Variants in GALNT7 observed in about 807,000 individuals in gnomAD.
GALNT7 encodes the protein N-acetylgalactosaminyltransferase 7.
A neutral mutation model predicts 82.1 loss-of-function variants in GALNT7; 60 were observed. The observed-to-expected ratio is 0.73, with a 90% CI of 0.59 to 0.91. The LOEUF is 0.91. GALNT7 is among the 40% of genes least tolerant of loss of function. The pLI is 0.00. For missense variants in GALNT7, 660 were observed against 804.2 expected, an observed-to-expected ratio of 0.82 and a Z score of 2.17; for synonymous variants, 243 against 275.1, an observed-to-expected ratio of 0.88 and a Z score of 1.15.
intron 1 of GALNT7, among the ~76,000 whole-genome samples, chr4:173,190,621 C>G (rs1354385270): frequency 6.6e-6 from 1 of 151,328 alleles, no homozygotes; most frequent in Non-Finnish European, 1.5e-5. Context: ...TTTCAAGTCT[C>G]TTTTCAGACT....
In GALNT7 at chr4:173,323,363, G is replaced by A. The variant is rs1737891597; in HGVS notation, c.*1646G>A. The A allele has an allele frequency of 6.6e-6, 1 of 152,352 alleles. No individual in the cohort carries two copies. The highest frequency in any genetic ancestry group is 2.4e-5 in the African/African-American group (1 of 41,392). 9.4% of individuals were successfully genotyped at this position (152,352 alleles called of 1,614,324 possible). On this transcript the variant is annotated 3_prime_UTR_variant, in exon 12 of 12. Transcript: ENST00000265000. ...TCAACAGAGTTTTATTTATAATTTT[G>A]AATTGTCAATTTGTATTTTGCTACT...
intron 1 of GALNT7, among the ~76,000 whole-genome samples, chr4:173,208,137 T>TC (rs1032246180): frequency 1.3e-5 from 2 of 152,096 alleles, no homozygotes; most frequent in African/African-American, 2.4e-5. Flanking sequence ...TATTAGTTAC[T>TC]CCCCCCAGTT....
intron 2 of GALNT7, among the ~76,000 whole-genome samples, chr4:173,252,326 C>G (rs1734877267): frequency 6.6e-6 from 1 of 152,196 alleles, no homozygotes; most frequent in Non-Finnish European, 1.5e-5. Context: ...CAGGCCCTAA[C>G]AGCCTTGTTC....
At chr4:173,198,694 A>G (rs1182909556) in intron 1 of GALNT7, among the ~76,000 whole-genome samples, 2 of 152,210 alleles carry the variant, frequency 1.3e-5, no homozygotes, top group East Asian at 3.8e-4. Context: ...ATTGGCATCA[A>G]TTCATATATT....
At chr4:173,187,390 A>G (rs1014540976) in intron 1 of GALNT7, among the ~76,000 whole-genome samples, 2 of 152,072 alleles carry the variant, frequency 1.3e-5, no homozygotes, top group Non-Finnish European at 2.9e-5. Flanking sequence ...TTAGAAAAAA[A>G]AAAAAAACCT....
Position 173,260,581 on chromosome 4 carries a change from G to A in GALNT7, c.587+12141G>A, listed in dbSNP as rs114552446. On this transcript the variant is annotated intron_variant, in intron 2 of 11. Coordinates refer to ENST00000265000, the MANE Select transcript of GALNT7 (RefSeq NM_017423.3). ...GAGGCAAGAGTTGTGGTGGGGCCAT[G>A]TGTTTTATTTTGTTTTGTCTTTAAA... Among the ~76,000 whole-genome samples, 1,176 of 152,302 alleles carry A rather than the reference G, an allele frequency of 7.7e-3. 13 individuals are homozygous for A. The highest frequency in any genetic ancestry group is 0.026 in the African/African-American group (1,097 of 41,572).
chr4:173,300,594 C>T (rs1042007425), intron 6 of GALNT7, among the ~76,000 whole-genome samples: 8 of 151,508 alleles, frequency 5.3e-5, no homozygotes, highest in South Asian at 2.1e-4. Context: ...GGCACGTTCC[C>T]GGTGGGAGCA....
intron 1 of GALNT7, among the ~76,000 whole-genome samples, chr4:173,244,737 G>A (rs1428026689): frequency 6.6e-6 from 1 of 152,170 alleles, no homozygotes; most frequent in Non-Finnish European, 1.5e-5. Flanking sequence ...CAGTAGCAGT[G>A]AGGATGATAG....
chr4:173,241,921 A>G (rs142694464), intron 1 of GALNT7, among the ~76,000 whole-genome samples: 2 of 152,314 alleles, frequency 1.3e-5, no homozygotes, highest in African/African-American at 4.8e-5. Context: ...CAGTTACCAT[A>G]GTATATTAGA....
chr4:173,282,093 A>G (rs1736133116), intron 2 of GALNT7, among the ~76,000 whole-genome samples: 1 of 152,148 alleles, frequency 6.6e-6, no homozygotes, highest in Admixed American at 6.5e-5. Flanking sequence ...CTTTTATAAG[A>G]AACTCTTCTC....
intron 1 of GALNT7, among the ~76,000 whole-genome samples, chr4:173,217,481 A>G (rs1037285157): frequency 2.0e-5 from 3 of 152,230 alleles, no homozygotes; most frequent in Non-Finnish European, 4.4e-5. Context: ...TTTGACATCT[A>G]CTAGAACATA....
intron 1 of GALNT7, among the ~76,000 whole-genome samples, chr4:173,170,368 G>A (rs1466151124): frequency 6.6e-6 from 1 of 152,226 alleles, no homozygotes. Flanking sequence ...GCATCAAGAA[G>A]TTGGGCAAAA....
chr4:173,227,572 C>T (rs113304857), intron 1 of GALNT7, among the ~76,000 whole-genome samples: 5,010 of 152,208 alleles, frequency 0.033, 268 homozygotes, highest in African/African-American at 0.11. Flanking sequence ...ACCTCATGAT[C>T]CACCCACTTC....
Position 173,176,148 on chromosome 4 carries a change from T to C in GALNT7, c.126+7187T>C, listed in dbSNP as rs185932716. 9.2e-5 allele frequency among the ~76,000 whole-genome samples: 14 copies of C among 152,158 alleles called. No homozygotes were observed. In the East Asian group the frequency reaches 2.7e-3, roughly 29 times the overall value. On this transcript the variant is annotated intron_variant, in intron 1 of 11. Transcript: ENST00000265000. ...ACTCAGGGAATGTCAGGGAAGGTGA[T>C]GGCCAGAGCAGAGTCTTCAGGAGTA...
chr4:173,217,867 G>T (rs1019169635), intron 1 of GALNT7, among the ~76,000 whole-genome samples: 1 of 152,142 alleles, frequency 6.6e-6, no homozygotes, highest in African/African-American at 2.4e-5. Context: ...TTGCAACCTT[G>T]CTTATAGAAG....
At chr4:173,216,727 A>ATAT (rs71244915) in intron 1 of GALNT7, among the ~76,000 whole-genome samples, 1 of 12,980 alleles carries the variant, frequency 7.7e-5, no homozygotes, top group African/African-American at 2.8e-4. Context: ...ATATATATAT[A>ATAT]TTTTTTTTTT....
intron 2 of GALNT7, among the ~76,000 whole-genome samples, chr4:173,278,367 A>G (rs111963838): frequency 2.0e-3 from 307 of 152,354 alleles, no homozygotes; most frequent in Non-Finnish European, 3.2e-3. Context: ...ATGGAGTGAT[A>G]TCAACCTCTC....
intron 2 of GALNT7, chr4:173,282,338 T>C (rs1736143723): frequency 6.6e-6 from 1 of 152,224 alleles, no homozygotes; most frequent in Admixed American, 6.5e-5. Flanking sequence ...GCTTGCTAAT[T>C]ATACGAAGAA....
chr4:173,253,597 C>T (rs187499155), intron 2 of GALNT7, among the ~76,000 whole-genome samples: 2 of 152,146 alleles, frequency 1.3e-5, no homozygotes, highest in East Asian at 1.9e-4. Flanking sequence ...TGTAAGAGAA[C>T]AAAAGAGTTA....
Sources: allele counts gnomAD v4.1 joint callset (sites outside exome capture counted in the v4.1 genomes callset), GRCh38; gene constraint gnomAD v4.1.1; transcripts MANE v1.5; gene names NCBI Gene and HGNC (gene_info 2026-07-23, HGNC 2026-07-21).